Variants in CD48 observed in about 807,000 individuals in gnomAD.
The protein encoded by CD48 is CD48 molecule, also known as CD48 antigen.
CD48 carries 20 observed loss-of-function variants against 22.0 expected under a neutral mutation model. The ratio of observed to expected loss-of-function variants is 0.91; its 90% CI spans 0.64 to 1.32. The LOEUF (loss-of-function observed/expected upper bound fraction) is 1.32. Among genes scored for constraint, CD48 ranks in the 40% most tolerant of loss-of-function variants. CD48 has a pLI of 0.00. For missense variants in CD48, 307 were observed against 286.5 expected (o/e 1.07, Z -0.52); for synonymous variants, 110 against 110.1 (o/e 1.00, Z 0.01).
intron 1 of CD48, among the ~76,000 whole-genome samples, chr1:160,706,940 G>T (rs1028759539): frequency 6.6e-6 from 1 of 152,098 alleles, no homozygotes. Flanking sequence ...CTCATATATT[G>T]AGAAAAATAA....
intron 2 of CD48, chr1:160,684,606 A>G: frequency 1.0e-6 from 1 of 978,384 alleles, no homozygotes; most frequent in Non-Finnish European, 1.5e-6. Context: ...ATCACAGGAC[A>G]AAATGAAGGA....
rs751381473 is a variant in CD48, at chr1:160,711,671, G to C, written c.82+11C>G. On this transcript the variant is annotated intron_variant, in intron 1 of 3. Transcript: ENST00000368046. ...GTGCACAATCACAGATACACAGTTG[G>C]TGGAAAGTACCTTGAATGCTGGTCA... 4 of 1,602,694 alleles carry C rather than the reference G, an allele frequency of 2.5e-6. No homozygotes were observed. The African/African-American group carries it at 4.0e-5, about 16-fold the overall frequency.
chr1:160,691,201 C>T (rs1420588721), intron 1 of CD48, among the ~76,000 whole-genome samples: 2 of 152,098 alleles, frequency 1.3e-5, no homozygotes, highest in African/African-American at 4.8e-5. Context: ...AGCCCGACAC[C>T]CGTAAAGGGT....
intron 1 of CD48, among the ~76,000 whole-genome samples, chr1:160,685,740 C>T (rs1661974878): frequency 6.6e-6 from 1 of 152,142 alleles, no homozygotes; most frequent in Non-Finnish European, 1.5e-5. Flanking sequence ...TTCCCCTTCA[C>T]CTTCTGAAGG....
intron 1 of CD48, among the ~76,000 whole-genome samples, chr1:160,709,828 C>T (rs542819501): frequency 2.0e-4 from 31 of 152,314 alleles, no homozygotes; most frequent in African/African-American, 6.5e-4. Context: ...CAGGCCTGTG[C>T]TAAGTTCAGC....
chr1:160,681,228 A>G lies in CD48; in HGVS notation c.626T>C (p.Val209Ala). The change falls in exon 3 of 4, where the codon GTC becomes GCC. Residue 209 changes from valine to alanine, a missense_variant. Physicochemically the swap from Val to Ala is moderately conservative, Grantham distance 64. Coordinates refer to ENST00000368046, the MANE Select transcript of CD48 (RefSeq NM_001778.4). ...CAGGGTACAGGGTGGACTGAGGCAG[A>G]CCGTGCCATTCTTGCTGCTCACAGA... Reference protein sequence around the residue: ...SNSVSSKNGTVCLSPPCTLAR... With the variant: ...SNSVSSKNGTACLSPPCTLAR... 2.5e-6 allele frequency: 4 copies of G among 1,614,168 alleles called. No individual in the cohort carries two copies. In the South Asian group the frequency reaches 3.3e-5, roughly 13 times the overall value.
At chr1:160,710,437 A>G (rs141542303) in intron 1 of CD48, among the ~76,000 whole-genome samples, 5 of 152,298 alleles carry the variant, frequency 3.3e-5, no homozygotes, top group African/African-American at 7.2e-5. Flanking sequence ...ATCAAAACCA[A>G]TATTATCCAT....
chr1:160,700,820 ATTGT>A (rs1013254287), intron 1 of CD48, among the ~76,000 whole-genome samples: 13 of 152,176 alleles, frequency 8.5e-5, no homozygotes, highest in African/African-American at 3.1e-4. Flanking sequence ...GGTTGAATAC[ATTGT>A]TTATCGACCA....
intron 1 of CD48, chr1:160,699,029 C>T (rs191988561): frequency 0.027 from 4,138 of 152,988 alleles, 186 homozygotes; most frequent in African/African-American, 0.094. Flanking sequence ...GCGGTTTTGT[C>T]GAAAAGAAAA....
At chr1:160,708,156 T>A (rs1571075753) in intron 1 of CD48, among the ~76,000 whole-genome samples, 1 of 151,770 alleles carries the variant, frequency 6.6e-6, no homozygotes, top group South Asian at 2.1e-4. Context: ...CGACTGGGGG[T>A]AGTGAATATT....
intron 1 of CD48, among the ~76,000 whole-genome samples, chr1:160,696,145 G>T (rs895402657): frequency 2.6e-5 from 4 of 152,300 alleles, no homozygotes; most frequent in Non-Finnish European, 4.4e-5. Flanking sequence ...CAATGGAAAA[G>T]TGGCTTACAC....
rs757409009 is a variant in CD48 at position 160,684,959 on chromosome 1, T to C, written c.313A>G (p.Ser105Gly). The part of the protein sequence containing the change: ...YISKVQKEDN[S>G]TYIMRVLKKT... ...TTCAACACCCTCATGATGTAGGTGC[T>C]GTTGTCCTCTTTCTGGACCTTAGAG... Residue 105 changes from serine (S) to glycine (G), a missense_variant, in exon 2 of 4, where the codon AGC becomes GGC. Coordinates refer to ENST00000368046, the MANE Select transcript of CD48 (RefSeq NM_001778.4). 1 of 1,614,208 alleles carries C rather than the reference T, an allele frequency of 6.2e-7. No homozygotes were observed. Among genetic ancestry groups the C allele is most frequent in the South Asian group, 1.1e-5 (1 of 91,082 alleles).
intron 1 of CD48, among the ~76,000 whole-genome samples, chr1:160,706,438 C>T (rs183910101): frequency 6.6e-6 from 1 of 152,232 alleles, no homozygotes; most frequent in Non-Finnish European, 1.5e-5. Context: ...TCTTCTCTCC[C>T]TCCTTAACCA....
chr1:160,686,252 G>A (rs1378935388), intron 1 of CD48, among the ~76,000 whole-genome samples: 1 of 152,098 alleles, frequency 6.6e-6, no homozygotes, highest in African/African-American at 2.4e-5. Context: ...GCCTAGGGGA[G>A]AATGGGACTG....
chr1:160,687,835 T>C (rs1323677415), intron 1 of CD48, among the ~76,000 whole-genome samples: 2 of 152,214 alleles, frequency 1.3e-5, no homozygotes, highest in African/African-American at 4.8e-5. Flanking sequence ...TGCCACCTGA[T>C]CTAATGCCTC....
At chr1:160,692,307 G>A (rs1662250949) in intron 1 of CD48, 1 of 152,174 alleles carries the variant, frequency 6.6e-6, no homozygotes. Flanking sequence ...AGCCGTTAAT[G>A]GCTCAGTCAA....
intron 1 of CD48, among the ~76,000 whole-genome samples, chr1:160,706,073 TTATA>T (rs969525942): frequency 1.3e-5 from 2 of 151,818 alleles, no homozygotes; most frequent in Admixed American, 1.3e-4. Context: ...GACAGATCAC[TTATA>T]TATATATAAT....
At chr1:160,698,231 T>C (rs938555726) in intron 1 of CD48, among the ~76,000 whole-genome samples, 2 of 152,180 alleles carry the variant, frequency 1.3e-5, no homozygotes, top group East Asian at 1.9e-4. Context: ...ATTGTTTACT[T>C]GCATTGATTC....
chr1:160,698,570 A>G (rs1662514044), intron 1 of CD48, among the ~76,000 whole-genome samples: 1 of 152,140 alleles, frequency 6.6e-6, no homozygotes, highest in Non-Finnish European at 1.5e-5. Flanking sequence ...GGCAAGTCAA[A>G]TTAATGATCT....
Sources: allele counts gnomAD v4.1 joint callset (sites outside exome capture counted in the v4.1 genomes callset), GRCh38; gene constraint gnomAD v4.1.1; transcripts MANE v1.5; gene names NCBI Gene and HGNC (gene_info 2026-07-23, HGNC 2026-07-21).